The following HTR2C variants were observed in gnomAD, a reference collection of about 807,000 sequenced individuals.
HTR2C encodes 5-hydroxytryptamine (serotonin) receptor 2C, G protein-coupled.
Under a neutral mutation model 21.0 loss-of-function variants are expected in HTR2C, and 5 were observed. The ratio of observed to expected loss-of-function variants is 0.24; its 90% CI spans 0.12 to 0.50. HTR2C has a LOEUF of 0.50. Ranked by LOEUF, HTR2C falls within the 20% of genes least tolerant of loss-of-function variation. HTR2C has a pLI of 0.98. For missense variants in HTR2C, 271 were observed against 371.2 expected (o/e 0.73, Z 2.22); for synonymous variants, 150 against 145.3 (o/e 1.03, Z -0.23).
intron 5 of HTR2C, among the ~76,000 whole-genome samples, chrX:114,863,941 A>G (rs943998066): frequency 9.0e-6 from 1 of 111,206 alleles, no homozygotes; most frequent in Admixed American, 9.6e-5. Flanking sequence ...GTTACCAGAT[A>G]TAAGTATAGC....
At chrX:114,784,228 G>T (rs1175042936) in intron 4 of HTR2C, among the ~76,000 whole-genome samples, 2 of 108,725 alleles carry the variant, frequency 1.8e-5, no homozygotes, top group African/African-American at 6.7e-5. Context: ...TGAATATCAG[G>T]AATTGAAACA....
At chrX:114,635,734 TCAC>T (rs1397832371) in intron 2 of HTR2C, among the ~76,000 whole-genome samples, 1 of 111,927 alleles carries the variant, frequency 8.9e-6, no homozygotes, top group African/African-American at 3.2e-5. Flanking sequence ...ATCACTTTTG[TCAC>T]CAATACCTCC....
intron 5 of HTR2C, among the ~76,000 whole-genome samples, chrX:114,857,534 T>C (rs1285111392): frequency 9.0e-6 from 1 of 111,425 alleles, no homozygotes; most frequent in African/African-American, 3.3e-5. Context: ...TTTTAAGCAT[T>C]TCGACGTCCT....
At position 114,689,774 on chromosome X, in the gene HTR2C, A is replaced by G. The variant is rs894108458; in HGVS notation, c.-79-37084A>G. ...TAAACTATAAACTAACATTTATTATAATTTTAATACAACATTTAATGTTCC... is the reference window on the plus strand; with the variant it reads ...TAAACTATAAACTAACATTTATTATGATTTTAATACAACATTTAATGTTCC... On this transcript the variant is annotated intron_variant, in intron 2 of 5. Transcript: ENST00000276198. 8.1e-5 allele frequency among the ~76,000 whole-genome samples: 9 copies of G among 111,629 alleles called. No individual in the cohort carries two copies. The Admixed American group carries it at 8.6e-4, about 11-fold the overall frequency.
intron 2 of HTR2C, among the ~76,000 whole-genome samples, chrX:114,672,557 T>C (rs1478813470): frequency 8.9e-6 from 1 of 112,271 alleles, no homozygotes; most frequent in Non-Finnish European, 1.9e-5. Flanking sequence ...CCCTGTAAAA[T>C]GGAATATTCT....
At chrX:114,856,798 T>C (rs2070966218) in intron 5 of HTR2C, among the ~76,000 whole-genome samples, 1 of 111,742 alleles carries the variant, frequency 8.9e-6, no homozygotes, top group Admixed American at 9.5e-5. Flanking sequence ...TACATAGTGA[T>C]AAAGAATACA....
intron 2 of HTR2C, among the ~76,000 whole-genome samples, chrX:114,654,241 C>T (rs1229669519): frequency 9.3e-5 from 10 of 107,705 alleles, no homozygotes; most frequent in Admixed American, 8.1e-4. Context: ...ACTTAAAAAA[C>T]AATAAAATAA....
rs370955529 is a variant in HTR2C at position 114,650,398 on chromosome X, C to T, written c.-80+36517C>T. Among the ~76,000 whole-genome samples, 8 of 111,777 alleles carry T rather than the reference C, an allele frequency of 7.2e-5. No individual in the cohort carries two copies. The East Asian group carries it at 2.3e-3, about 32-fold the overall frequency. ...GCATACAACATGTTAATAATATGGT[C>T]CTAGGGTTTTCTCCCTAATCTCAGT... On this transcript the variant is annotated intron_variant, in intron 2 of 5. Transcript: ENST00000276198.
chrX:114,807,797 C>T (rs1383990007), intron 4 of HTR2C, among the ~76,000 whole-genome samples: 1 of 109,423 alleles, frequency 9.1e-6, no homozygotes, highest in African/African-American at 3.3e-5. Flanking sequence ...CTCAGCCTCC[C>T]CAGTAGCTGG....
At chrX:114,718,294 C>T (rs888769862) in intron 2 of HTR2C, among the ~76,000 whole-genome samples, 1 of 112,043 alleles carries the variant, frequency 8.9e-6, no homozygotes, top group South Asian at 3.6e-4. Flanking sequence ...TTGATGATGA[C>T]TTTTAAGTAT....
At chrX:114,776,261 A>G in intron 4 of HTR2C, 1 of 577,578 alleles carries the variant, frequency 1.7e-6, no homozygotes. Context: ...CTCATTGATA[A>G]TTCTAAGTAC....
At chrX:114,889,724 T>A (rs958274215) in intron 5 of HTR2C, among the ~76,000 whole-genome samples, 10 of 111,658 alleles carry the variant, frequency 9.0e-5, no homozygotes, top group Non-Finnish European at 1.7e-4. Flanking sequence ...AATAAGCCTT[T>A]TGTGTTGGTT....
chrX:114,664,420 C>T (rs1226343077), intron 2 of HTR2C, among the ~76,000 whole-genome samples: 2 of 111,605 alleles, frequency 1.8e-5, no homozygotes, highest in African/African-American at 6.5e-5. Flanking sequence ...ACCCATGTGT[C>T]CATGTGTTCT....
intron 2 of HTR2C, among the ~76,000 whole-genome samples, chrX:114,710,625 C>A (rs1932877692): frequency 9.0e-6 from 1 of 111,516 alleles, no homozygotes; most frequent in Admixed American, 9.6e-5. Flanking sequence ...AATAATAAAT[C>A]AGCAAATGGA....
intron 2 of HTR2C, among the ~76,000 whole-genome samples, chrX:114,646,092 A>G (rs1418224195): frequency 1.8e-5 from 2 of 112,194 alleles, no homozygotes; most frequent in Non-Finnish European, 3.8e-5. Flanking sequence ...GGGAGTAAAT[A>G]TTGAGTAGAT....
intron 2 of HTR2C, among the ~76,000 whole-genome samples, chrX:114,678,519 A>T (rs1204041073): frequency 9.0e-6 from 1 of 111,475 alleles, no homozygotes. Flanking sequence ...GCAGTGGCAG[A>T]TTGGCGATTA....
intron 4 of HTR2C, among the ~76,000 whole-genome samples, chrX:114,769,943 C>T (rs978376476): frequency 9.0e-6 from 1 of 111,004 alleles, no homozygotes; most frequent in Non-Finnish European, 1.9e-5. Flanking sequence ...TATTTTGAAA[C>T]ATCTTTCTCT....
At chrX:114,858,594 A>G (rs1556471875) in intron 5 of HTR2C, among the ~76,000 whole-genome samples, 1 of 111,852 alleles carries the variant, frequency 8.9e-6, no homozygotes, top group Non-Finnish European at 1.9e-5. Flanking sequence ...TAAAAGATTC[A>G]TTGGAATTTT....
At chrX:114,810,185 C>T (rs2070517766) in intron 4 of HTR2C, among the ~76,000 whole-genome samples, 1 of 111,556 alleles carries the variant, frequency 9.0e-6, no homozygotes, top group Non-Finnish European at 1.9e-5. Context: ...CCCCTTTTCT[C>T]TCCTCAAGCT....
Sources: gnomAD v4.1 joint callset for allele counts (sites outside exome capture counted in the v4.1 genomes callset) on GRCh38, gnomAD v4.1.1 for gene constraint, MANE v1.5 for transcripts, NCBI Gene and HGNC (gene_info 2026-07-23, HGNC 2026-07-21) for gene names.